Variants in MRRF observed in about 807,000 individuals in gnomAD.
MRRF encodes mitochondrial ribosome recycling factor.
In MRRF, 18 loss-of-function variants were observed where a neutral mutation model predicts 25.1. That is an observed-to-expected ratio of 0.72 (90% CI 0.50 to 1.06). The LOEUF (loss-of-function observed/expected upper bound fraction) is 1.06. Ranked by LOEUF, MRRF falls within the 50% of genes least tolerant of loss-of-function variation. The probability of loss-of-function intolerance (pLI) is 0.00; values close to 1 mark genes in which losing one functional copy is unlikely to be tolerated. For synonymous variants in MRRF, 113 were observed against 112.1 expected (o/e 1.01, Z -0.05); for missense variants, 323 against 319.3 (o/e 1.01, Z -0.09).
chr9:122,293,548 C>G (rs1554821115), intron 5 of MRRF, among the ~76,000 whole-genome samples: 1 of 152,204 alleles, frequency 6.6e-6, no homozygotes. Context: ...CCATTGTGTT[C>G]TCAGTACTCT....
At chr9:122,284,230 G>A (rs1833250062) in intron 3 of MRRF, among the ~76,000 whole-genome samples, 1 of 152,238 alleles carries the variant, frequency 6.6e-6, no homozygotes, top group South Asian at 2.1e-4. Flanking sequence ...ATGCACAGCC[G>A]GATTTGAGTT....
chr9:122,292,682 G>A (rs1833850496), intron 5 of MRRF, among the ~76,000 whole-genome samples: 1 of 152,084 alleles, frequency 6.6e-6, no homozygotes, highest in South Asian at 2.1e-4. Flanking sequence ...TCAGTGGAAG[G>A]ATTTAAGCAG....
At chr9:122,308,650 GA>G (rs1489058869) in intron 5 of MRRF, among the ~76,000 whole-genome samples, 3 of 125,942 alleles carry the variant, frequency 2.4e-5, no homozygotes, top group Middle Eastern at 0.014. Context: ...AGTGAGCCGA[GA>G]TCACACCACT....
chr9:122,307,304 C>T (rs373928851), intron 5 of MRRF, among the ~76,000 whole-genome samples: 2 of 152,304 alleles, frequency 1.3e-5, no homozygotes, highest in African/African-American at 4.8e-5. Context: ...TCTTGATAGG[C>T]CATTCCTTGA....
chr9:122,298,416 A>G (rs1834227129), intron 5 of MRRF, among the ~76,000 whole-genome samples: 1 of 152,192 alleles, frequency 6.6e-6, no homozygotes, highest in Admixed American at 6.5e-5. Context: ...ATGCAATAAA[A>G]TGAATCAATT....
rs547436504 is a variant in MRRF, at chr9:122,283,719, TC to T, written c.341-1444del. ...ACTCCAATTTGTTTAAGACTCCATT[TC>T]CCCCCTTTTCTCTTTGTGTCTCAGA... On this transcript the variant is annotated intron_variant, in intron 3 of 6. Coordinates refer to ENST00000344641, the MANE Select transcript of MRRF (RefSeq NM_138777.5). Among the ~76,000 whole-genome samples the T allele has an allele frequency of 6.6e-5, 10 of 152,268 alleles. No individual in the cohort carries two copies. The South Asian group carries it at 1.5e-3, about 22-fold the overall frequency.
chr9:122,288,199 A>G (rs543608614), intron 4 of MRRF, among the ~76,000 whole-genome samples: 2 of 152,312 alleles, frequency 1.3e-5, no homozygotes, highest in East Asian at 3.9e-4. Flanking sequence ...AAAGAAGGGA[A>G]TAAAAACCAC....
At chr9:122,304,113 T>C (rs1472577977) in intron 5 of MRRF, among the ~76,000 whole-genome samples, 2 of 148,894 alleles carry the variant, frequency 1.3e-5, no homozygotes, top group Non-Finnish European at 2.9e-5. Flanking sequence ...TTTAGGGATA[T>C]TGAAAGAAAA....
At chr9:122,305,891 A>T (rs1834810223) in intron 5 of MRRF, among the ~76,000 whole-genome samples, 1 of 152,214 alleles carries the variant, frequency 6.6e-6, no homozygotes, top group South Asian at 2.1e-4. Flanking sequence ...AGTATGCAAT[A>T]ATGTAATCAT....
chr9:122,312,298 G>A (rs1321509250), intron 5 of MRRF, among the ~76,000 whole-genome samples: 3 of 152,146 alleles, frequency 2.0e-5, no homozygotes, highest in Non-Finnish European at 2.9e-5. Context: ...GGCATAGAAC[G>A]GTTTAATAAT....
intron 6 of MRRF, among the ~76,000 whole-genome samples, chr9:122,322,270 G>A (rs1289797532): frequency 1.3e-5 from 2 of 152,086 alleles, no homozygotes; most frequent in Non-Finnish European, 1.5e-5. Context: ...GGCTGAGGCA[G>A]GAGAATGGCG....
intron 1 of MRRF, among the ~76,000 whole-genome samples, chr9:122,270,492 C>T (rs1456802721): frequency 2.0e-5 from 3 of 152,156 alleles, no homozygotes; most frequent in Non-Finnish European, 4.4e-5. Flanking sequence ...CTCTGCCTTC[C>T]CTCTTTAAAC....
chr9:122,286,026 A>T, intron 4 of MRRF: 2 of 1,299,700 alleles, frequency 1.5e-6, no homozygotes, highest in South Asian at 2.5e-5. Flanking sequence ...GCTTTTTGTT[A>T]TTGGTCCACT....
chr9:122,288,065 T>A (rs1833520186), intron 4 of MRRF, among the ~76,000 whole-genome samples: 1 of 152,216 alleles, frequency 6.6e-6, no homozygotes, highest in Non-Finnish European at 1.5e-5. Context: ...CATGATCTTT[T>A]TGAATGCATT....
At chr9:122,282,596 T>A (rs904046999) in intron 3 of MRRF, among the ~76,000 whole-genome samples, 1 of 152,340 alleles carries the variant, frequency 6.6e-6, no homozygotes, top group South Asian at 2.1e-4. Flanking sequence ...CAAGTTACTC[T>A]GTATGCCTCA....
chr9:122,315,572 A>G (rs899811485), intron 6 of MRRF, among the ~76,000 whole-genome samples: 1 of 152,188 alleles, frequency 6.6e-6, no homozygotes, highest in Admixed American at 6.5e-5. Context: ...CCCTCTTGCC[A>G]TCTCTCTGCC....
rs188341520 is a variant in MRRF, at chr9:122,288,212, C to T, written c.459+2925C>T. On this transcript the variant is annotated intron_variant, in intron 4 of 6. Transcript: ENST00000344641. ...GAAAAGAAGGGAATAAAAACCACAG[C>T]ATGATTTGAACAAAACAAGCCAAAT... 6.7e-3 allele frequency among the ~76,000 whole-genome samples: 1,018 copies of T among 152,124 alleles called. 11 individuals carry two copies. Among genetic ancestry groups the T allele is most frequent in the African/African-American group, 0.023 (951 of 41,490 alleles).
chr9:122,283,010 G>C (rs1038435633), intron 3 of MRRF, among the ~76,000 whole-genome samples: 1 of 151,954 alleles, frequency 6.6e-6, no homozygotes, highest in Non-Finnish European at 1.5e-5. Context: ...ATAATAGTCA[G>C]CATTTAGTGG....
intron 5 of MRRF, among the ~76,000 whole-genome samples, chr9:122,296,484 A>C (rs1303338646): frequency 6.6e-6 from 1 of 152,224 alleles, no homozygotes; most frequent in Non-Finnish European, 1.5e-5. Flanking sequence ...AGACTATTTT[A>C]GGCTCATTTG....
Sources: allele counts gnomAD v4.1 joint callset (sites outside exome capture counted in the v4.1 genomes callset), GRCh38; gene constraint gnomAD v4.1.1; transcripts MANE v1.5; gene names NCBI Gene and HGNC (gene_info 2026-07-23, HGNC 2026-07-21).